The following DSG2 variants were observed in gnomAD, a reference collection of about 807,000 sequenced individuals.
DSG2 encodes the protein desmoglein-2.
DSG2 carries 45 observed loss-of-function variants against 75.6 expected under a neutral mutation model. The observed-to-expected ratio is 0.60, with a 90% CI of 0.47 to 0.76. The LOEUF is 0.76. Among genes scored for constraint, DSG2 ranks in the 30% least tolerant of loss-of-function variants. The pLI is 0.00. For missense variants in DSG2, 1,267 were observed against 1,357.4 expected (o/e 0.93, Z 1.05); for synonymous variants, 429 against 483.9 (o/e 0.89, Z 1.49).
chr18:31,544,962 T>C (rs1259254355), intron 14 of DSG2, among the ~76,000 whole-genome samples: 136 of 152,224 alleles, frequency 8.9e-4, no homozygotes, highest in Non-Finnish European at 1.6e-4. Flanking sequence ...TTTCCCACTT[T>C]CTGCTCCTTT....
intron 8 of DSG2, among the ~76,000 whole-genome samples, chr18:31,530,354 A>AT (rs1438548811): frequency 1.3e-5 from 2 of 152,084 alleles, no homozygotes; most frequent in Non-Finnish European, 2.9e-5. Flanking sequence ...ATGCCCACTA[A>AT]TTTTTTACAT....
chr18:31,513,303 A>G (rs1476397876), intron 1 of DSG2, among the ~76,000 whole-genome samples: 1 of 152,184 alleles, frequency 6.6e-6, no homozygotes, highest in Non-Finnish European at 1.5e-5. Flanking sequence ...GGCTGTAGCT[A>G]TTCCAAATGT....
intron 5 of DSG2, 42 bp from the exon 6 acceptor site, chr18:31,522,041 A>G (rs1163567357): frequency 1.3e-6 from 2 of 1,580,868 alleles, no homozygotes; most frequent in African/African-American, 2.7e-5. Flanking sequence ...AAATATGCTT[A>G]AAGTTGAATT....
chr18:31,538,787 T>C lies in DSG2; in HGVS notation c.1688T>C (p.Leu563Pro). Residue 563 changes from leucine to proline, a missense_variant, in exon 12 of 15, where the codon CTT (leucine) becomes CCT (proline). Physicochemically the swap from Leu to Pro is moderately conservative, Grantham distance 98 (BLOSUM62 -3). Transcript: ENST00000261590. ...CTGCTGCAACAAAGTGAGAAAAAGCTTGGGAGAAGTGAAATTCAGTTCCTG... is the reference window on the plus strand; with the variant it reads ...CTGCTGCAACAAAGTGAGAAAAAGCCTGGGAGAAGTGAAATTCAGTTCCTG... ...SVLLQQSEKKLGRSEIQFLIS... is the reference protein window; with the variant it reads ...SVLLQQSEKKPGRSEIQFLIS... 1.2e-6 allele frequency: 2 copies of C among 1,614,156 alleles called. No homozygotes were observed. Among genetic ancestry groups the C allele is most frequent in the Non-Finnish European group, 1.7e-6 (2 of 1,180,022 alleles).
At chr18:31,505,342 C>A (rs571471236) in intron 1 of DSG2, among the ~76,000 whole-genome samples, 1 of 152,306 alleles carries the variant, frequency 6.6e-6, no homozygotes, top group South Asian at 2.1e-4. Context: ...TAAACCTCTC[C>A]TGATTTCCCC....
intron 1 of DSG2, among the ~76,000 whole-genome samples, chr18:31,517,059 A>ATCT (rs1364681197): frequency 4.6e-5 from 7 of 152,222 alleles, no homozygotes; most frequent in Non-Finnish European, 1.0e-4. Flanking sequence ...CCAAGAGAAG[A>ATCT]AGGAAGCCAG....
intron 10 of DSG2, 97 bp from the exon 11 acceptor site, chr18:31,536,105 G>A: frequency 8.8e-7 from 1 of 1,142,382 alleles, no homozygotes; most frequent in Non-Finnish European, 1.3e-6. Context: ...TAAGTGGTTA[G>A]TACCTTCTCC....
rs1225118377 is a variant in DSG2, at chr18:31,519,864, A to C, written c.143A>C (p.Lys48Thr). 1 of 1,614,146 alleles carries C rather than the reference A, an allele frequency of 6.2e-7. No individual in the cohort carries two copies. Among genetic ancestry groups the C allele is most frequent in the Non-Finnish European group, 8.5e-7 (1 of 1,180,010 alleles). Residue 48 changes from lysine (K) to threonine (T), a missense_variant, in exon 3 of 15, where the codon AAG becomes ACG. Physicochemically the swap from Lys to Thr is moderately conservative, Grantham distance 78. Transcript: ENST00000261590. ...LPKHPHLVRQKRAWITAPVAL... is the reference protein window; with the variant it reads ...LPKHPHLVRQTRAWITAPVAL... Reference sequence around the variant, plus strand: ...AAACATCCTCATTTAGTGCGGCAAAAGCGCGCCTGGATCACCGCCCCCGTG... The same window carrying C: ...AAACATCCTCATTTAGTGCGGCAAACGCGCGCCTGGATCACCGCCCCCGTG...
intron 11 of DSG2, among the ~76,000 whole-genome samples, chr18:31,537,061 G>C (rs1373510245): frequency 6.6e-6 from 1 of 152,098 alleles, no homozygotes; most frequent in Non-Finnish European, 1.5e-5. Context: ...CCTTCAGGGT[G>C]GTTCTGAATG....
chr18:31,513,967 A>G (rs868406623), intron 1 of DSG2, among the ~76,000 whole-genome samples: 1 of 152,234 alleles, frequency 6.6e-6, no homozygotes, highest in African/African-American at 2.4e-5. Flanking sequence ...ATACTCAGCC[A>G]GTATTCCTCA....
At chr18:31,538,020 G>T (rs2073242145) in intron 11 of DSG2, among the ~76,000 whole-genome samples, 1 of 152,058 alleles carries the variant, frequency 6.6e-6, no homozygotes, top group Admixed American at 6.6e-5. Flanking sequence ...AAGAAGAAGT[G>T]TAAGAGTGCT....
At chr18:31,533,763 A>C (rs1443413452) in intron 9 of DSG2, among the ~76,000 whole-genome samples, 1 of 152,238 alleles carries the variant, frequency 6.6e-6, no homozygotes, top group Non-Finnish European at 1.5e-5. Flanking sequence ...TGGTAGCAGT[A>C]TTAAGAGGCA....
chr18:31,518,405 T>C (rs762689674), intron 2 of DSG2, 131 bp downstream of exon 2: 2 of 789,180 alleles, frequency 2.5e-6, no homozygotes, highest in Middle Eastern at 4.5e-4. Context: ...TTCAAACAAG[T>C]GCAGAGGAGC....
chr18:31,525,425 G>A (rs552998011), intron 8 of DSG2, among the ~76,000 whole-genome samples: 1 of 152,050 alleles, frequency 6.6e-6, no homozygotes, highest in Admixed American at 6.5e-5. Flanking sequence ...AGGCTTAGGT[G>A]AGAGGATAGC....
At chr18:31,509,936 T>G (rs562052517) in intron 1 of DSG2, among the ~76,000 whole-genome samples, 1 of 151,618 alleles carries the variant, frequency 6.6e-6, no homozygotes, top group African/African-American at 2.4e-5. Context: ...TCTTTCAGAT[T>G]ATTTCAGCCA....
chr18:31,520,351 A>G (rs1274763534), intron 3 of DSG2, among the ~76,000 whole-genome samples: 2 of 152,176 alleles, frequency 1.3e-5, no homozygotes, highest in Non-Finnish European at 2.9e-5. Flanking sequence ...TCCTGGCTTA[A>G]TAATTAATAT....
At position 31,531,024 on chromosome 18, in the gene DSG2, G is replaced by T; in HGVS notation, c.1052G>T (p.Ser351Ile). Residue 351 changes from serine (S) to isoleucine (I), a missense_variant, in exon 9 of 15, where the codon AGT (serine) becomes ATT (isoleucine). Physicochemically the swap from Ser to Ile is moderately radical, Grantham distance 142. Coordinates refer to ENST00000261590, the MANE Select transcript of DSG2 (RefSeq NM_001943.5). ...DYEEMKNLDFSVIVANKAAFH... is the reference protein window; with the variant it reads ...DYEEMKNLDFIVIVANKAAFH... ...GAAGAAATGAAGAATCTTGACTTCA[G>T]TGTTATTGTCGCTAATAAAGCAGCT... The T allele has an allele frequency of 6.2e-7, 1 of 1,614,088 alleles. No homozygotes were observed. Among genetic ancestry groups the T allele is most frequent in the African/African-American group, 1.3e-5 (1 of 75,058 alleles).
chr18:31,542,655 G>A lies in DSG2; in HGVS notation c.2137G>A (p.Glu713Lys), dbSNP rs79241126. The part of the protein sequence containing the change: ...SIVKGQHEMS[E>K]MDGRWEEHRS... ...TGTCAAAGGGCAACATGAGATGTCC[G>A]AGATGGATGGAAGGTGGGAAGAACA... is the stretch of plus-strand genomic sequence containing the variant. Residue 713 changes from glutamate to lysine, a missense_variant, in exon 14 of 15, where the codon GAG becomes AAG. By Grantham distance (56) the Glu-to-Lys change is moderately conservative. Transcript: ENST00000261590. The A allele has an allele frequency of 0.067, 108,807 of 1,614,098 alleles. 4,307 individuals are homozygous for A. The highest frequency in any genetic ancestry group is 0.078 in the Non-Finnish European group (92,354 of 1,180,010).
chr18:31,511,929 C>T (rs1381453667), intron 1 of DSG2, among the ~76,000 whole-genome samples: 3 of 152,166 alleles, frequency 2.0e-5, no homozygotes, highest in East Asian at 1.9e-4. Context: ...TTAGCCTTGC[C>T]TGTGTCACGC....
Sources: allele counts gnomAD v4.1 joint callset (sites outside exome capture counted in the v4.1 genomes callset), GRCh38; gene constraint gnomAD v4.1.1; transcripts MANE v1.5; gene names NCBI Gene and HGNC (gene_info 2026-07-23, HGNC 2026-07-21).